Variants in CA2 observed in about 807,000 individuals in gnomAD.
CA2 encodes the protein carbonate dehydratase II.
CA2 carries 23 observed loss-of-function variants against 27.8 expected under a neutral mutation model. The observed-to-expected ratio is 0.83, with a 90% CI of 0.59 to 1.17. The LOEUF is 1.17. CA2 is among the 50% of genes most tolerant of loss of function. CA2 has a pLI of 0.00. For synonymous variants in CA2, 99 were observed against 114.9 expected, an observed-to-expected ratio of 0.86 and a Z score of 0.88; for missense variants, 300 against 314.7, an observed-to-expected ratio of 0.95 and a Z score of 0.35.
chr8:85,464,413 A>G (rs1021004019), intron 1 of CA2: 1 of 393,396 alleles, frequency 2.5e-6, no homozygotes, highest in Admixed American at 4.8e-5. Context: ...GGACCCGAGG[A>G]CAGTCCCTCC....
At chr8:85,473,005 A>G in intron 2 of CA2, among the ~76,000 whole-genome samples, 1 of 81,070 alleles carries the variant, frequency 1.2e-5, no homozygotes, top group East Asian at 3.4e-4. Context: ...AAATAATAAT[A>G]ATAATAATAA....
Position 85,477,204 on chromosome 8 carries a change from A to C in CA2, c.592A>C (p.Thr198Pro). Residue 198 changes from threonine (T) to proline (P), a missense_variant, in exon 6 of 7, where the codon ACC (threonine) becomes CCC (proline). This residue lies in a region of CA2 where 173 missense variants were observed against 161.0 expected (regional missense o/e 1.07). Transcript: ENST00000285379. ...LDYWTYPGSL[T>P]TPPLLECVTW... ...TTACTGGACCTACCCAGGCTCACTG[A>C]CCACCCCTCCTCTTCTGGAATGTGT... 6.2e-7 allele frequency: 1 copy of C among 1,614,064 alleles called. No individual in the cohort carries two copies. Among genetic ancestry groups the C allele is most frequent in the Non-Finnish European group, 8.5e-7 (1 of 1,179,976 alleles).
intron 6 of CA2, among the ~76,000 whole-genome samples, chr8:85,478,941 A>G (rs1811847190): frequency 6.6e-6 from 1 of 152,226 alleles, no homozygotes; most frequent in South Asian, 2.1e-4. Flanking sequence ...AGAGCAGAGA[A>G]GCTCTTTCCT....
At chr8:85,476,012 A>G (rs1199457612) in intron 5 of CA2, 152 bp downstream of exon 5, 2 of 693,086 alleles carry the variant, frequency 2.9e-6, no homozygotes, top group Admixed American at 2.3e-5. Context: ...TAAATATTTA[A>G]TTAACGTTTC....
intron 2 of CA2, among the ~76,000 whole-genome samples, chr8:85,470,306 G>C (rs1294837097): frequency 5.9e-5 from 9 of 152,154 alleles, no homozygotes; most frequent in Non-Finnish European, 1.2e-4. Context: ...AGGCAAAACA[G>C]TAATGCATGA....
chr8:85,465,242 T>C, intron 1 of CA2, 30 bp from the exon 2 acceptor site: 1 of 1,569,800 alleles, frequency 6.4e-7, no homozygotes, highest in East Asian at 2.2e-5. Flanking sequence ...TTCCCCACAA[T>C]GGGGGATTCA....
chr8:85,467,865 C>T lies in CA2; in HGVS notation c.232+2396C>T, dbSNP rs368241861. Among the ~76,000 whole-genome samples the T allele has an allele frequency of 5.3e-5, 8 of 152,234 alleles. No homozygotes were observed. The East Asian group carries it at 1.5e-3, about 29-fold the overall frequency. ...GAAACAGATGAAAACCACAGGGTTT[C>T]GGTAGGAGCTCCCACCCATGCCTTT... On this transcript the variant is annotated intron_variant, in intron 2 of 6. Coordinates refer to ENST00000285379, the MANE Select transcript of CA2 (RefSeq NM_000067.3).
At chr8:85,469,798 A>T (rs1233300210) in intron 2 of CA2, among the ~76,000 whole-genome samples, 1 of 89,576 alleles carries the variant, frequency 1.1e-5, no homozygotes, top group Non-Finnish European at 2.4e-5. Context: ...GGAATTTTTT[A>T]AATCTGTTTG....
Position 85,464,234 on chromosome 8 carries a change from C to G in CA2, c.34+119C>G, listed in dbSNP as rs1279126463. On this transcript the variant is annotated intron_variant, in intron 1 of 6. Transcript: ENST00000285379. ...GCCCGCACATGCTGTTTACCGCGGC[C>G]GCGGGGAGTGCTGGAGGCTCAGGTG... The G allele has an allele frequency of 3.1e-6, 3 of 952,676 alleles. No individual in the cohort carries two copies. The African/African-American group carries it at 5.2e-5, about 17-fold the overall frequency. 59.0% of individuals were successfully genotyped at this position (952,676 alleles called of 1,614,324 possible).
intron 2 of CA2, chr8:85,473,279 T>C: frequency 2.6e-6 from 1 of 385,582 alleles, no homozygotes; most frequent in East Asian, 7.2e-5. Context: ...AGCAGACCAA[T>C]TTATTGGCCA....
At position 85,477,041 on chromosome 8, in the gene CA2, A is replaced by G. The variant is rs1811811463; in HGVS notation, c.508-79A>G. On this transcript the variant is annotated intron_variant, in intron 5 of 6. Coordinates refer to ENST00000285379, the MANE Select transcript of CA2 (RefSeq NM_000067.3). ...TTGACCATCAGAGGGGAGTATACCT[A>G]TTTGTGTCTGCTGCTCTCCTACCTT... is the stretch of plus-strand genomic sequence containing the variant. 2.3e-5 allele frequency: 32 copies of G among 1,408,442 alleles called. No homozygotes were observed. The South Asian group carries it at 3.6e-4, about 16-fold the overall frequency. 87.2% of individuals were successfully genotyped at this position (1,408,442 alleles called of 1,614,324 possible).
chr8:85,479,750 G>A (rs999168916), intron 6 of CA2, among the ~76,000 whole-genome samples: 2 of 152,290 alleles, frequency 1.3e-5, no homozygotes, highest in East Asian at 1.9e-4. Context: ...AGGGTGGTGA[G>A]CACTCACAAT....
chr8:85,475,695 G>A, intron 4 of CA2, 103 bp from the exon 5 acceptor site: 1 of 1,000,180 alleles, frequency 1.0e-6, no homozygotes, highest in Non-Finnish European at 1.6e-6. Flanking sequence ...GAGAATTTGG[G>A]CTCACTATTT....
Position 85,480,975 on chromosome 8 carries a change from T to C in CA2, c.*186T>C. 1.6e-6 allele frequency: 1 copy of C among 623,194 alleles called. No homozygotes were observed. Among genetic ancestry groups the C allele is most frequent in the Non-Finnish European group, 2.8e-6 (1 of 352,424 alleles). The allele number at this position is 623,194 out of a possible 1,614,324, so 38.6% of individuals were successfully genotyped here. ...GACCAATTGTCATGCTTGACACAAC[T>C]GCTGTGGCTGGTTGGTGCTTTGTTT... On this transcript the variant is annotated 3_prime_UTR_variant, in exon 7 of 7. Transcript: ENST00000285379.
intron 6 of CA2, among the ~76,000 whole-genome samples, chr8:85,478,008 A>G (rs1039150736): frequency 6.6e-6 from 1 of 152,226 alleles, no homozygotes; most frequent in African/African-American, 2.4e-5. Flanking sequence ...AATGGTAACT[A>G]TGTGAGTAGT....
intron 2 of CA2, chr8:85,473,363 A>C (rs771778863): frequency 4.0e-5 from 19 of 470,834 alleles, no homozygotes; most frequent in Non-Finnish European, 6.3e-5. Context: ...TCTGGACCTG[A>C]ATCTATGACT....
chr8:85,467,187 A>G (rs191725354), intron 2 of CA2, among the ~76,000 whole-genome samples: 15 of 152,352 alleles, frequency 9.8e-5, no homozygotes, highest in Admixed American at 2.0e-4. Flanking sequence ...TAAAAAATGG[A>G]TAGTGAAATA....
chr8:85,476,443 A>G (rs1270398341), intron 5 of CA2, among the ~76,000 whole-genome samples: 1 of 152,224 alleles, frequency 6.6e-6, no homozygotes, highest in East Asian at 1.9e-4. Flanking sequence ...TGATCTTCAC[A>G]TTGAAGCAGC....
At chr8:85,465,203 T>G in intron 1 of CA2, 69 bp from the exon 2 acceptor site, 2 of 1,283,256 alleles carry the variant, frequency 1.6e-6, no homozygotes, top group Non-Finnish European at 2.3e-6. Context: ...CCGGAATGAT[T>G]GCTCTTCTCT....
Sources: gnomAD v4.1 joint callset for allele counts (sites outside exome capture counted in the v4.1 genomes callset) on GRCh38, gnomAD v4.1.1 for gene constraint, gnomAD v4.1.1 regional missense constraint, MANE v1.5 for transcripts, NCBI Gene and HGNC (gene_info 2026-07-23, HGNC 2026-07-21) for gene names.